The following TPP2 variants were observed in gnomAD, a reference collection of about 807,000 sequenced individuals.
TPP2 encodes tripeptidyl-peptidase 2.
Under a neutral mutation model 155.9 loss-of-function variants are expected in TPP2, and 34 were observed. That is an observed-to-expected ratio of 0.22 (90% confidence interval 0.17 to 0.29). TPP2 has a LOEUF of 0.29. TPP2 is among the 10% of genes least tolerant of loss of function. The pLI is 1.00. For synonymous variants in TPP2, 510 were observed against 529.4 expected (o/e 0.96, Z 0.50); for missense variants, 1,028 against 1,522.3 (o/e 0.68, Z 5.40).
intron 16 of TPP2, among the ~76,000 whole-genome samples, chr13:102,641,873 C>T (rs985484939): frequency 1.7e-4 from 26 of 152,156 alleles, no homozygotes; most frequent in African/African-American, 6.0e-4. Context: ...ACCATCTGTG[C>T]CAGGCCCTTT....
intron 6 of TPP2, among the ~76,000 whole-genome samples, chr13:102,625,978 A>C (rs539211465): frequency 7.9e-5 from 12 of 152,368 alleles, no homozygotes; most frequent in African/African-American, 2.6e-4. Flanking sequence ...TTTATATATA[A>C]CATGTACAAA....
At chr13:102,665,031 T>C (rs1002847629) in intron 27 of TPP2, 106 bp downstream of exon 27, 2 of 1,353,206 alleles carry the variant, frequency 1.5e-6, no homozygotes, top group Non-Finnish European at 2.0e-6. Context: ...ATGTTTGTTA[T>C]ATCCTTATAA....
Position 102,601,428 on chromosome 13 carries a change from A to G in TPP2, c.166-3365A>G, listed in dbSNP as rs537395706. Among the ~76,000 whole-genome samples, 4 of 152,200 alleles carry G rather than the reference A, an allele frequency of 2.6e-5. No homozygotes were observed. In the South Asian group the frequency reaches 6.2e-4, roughly 24 times the overall value. ...GGTCCTCTCTGCAAATGTTTGGCAAATCTTCCAACCTTCACTAACTCCTCT... is the reference window on the plus strand; with the variant it reads ...GGTCCTCTCTGCAAATGTTTGGCAAGTCTTCCAACCTTCACTAACTCCTCT... On this transcript the variant is annotated intron_variant, in intron 1 of 29. Coordinates refer to ENST00000376052, the MANE Select transcript of TPP2 (RefSeq NM_001330588.2).
At chr13:102,670,453 T>G (rs1303288463) in intron 27 of TPP2, among the ~76,000 whole-genome samples, 2 of 152,130 alleles carry the variant, frequency 1.3e-5, no homozygotes, top group African/African-American at 4.8e-5. Context: ...GAGTTTTAGT[T>G]CTGGTATGTG....
intron 27 of TPP2, among the ~76,000 whole-genome samples, chr13:102,668,597 C>T (rs1299752516): frequency 6.6e-6 from 1 of 152,166 alleles, no homozygotes; most frequent in African/African-American, 2.4e-5. Flanking sequence ...GGGTATGTTA[C>T]CCCCTTCCAG....
chr13:102,630,225 C>T (rs764596204), intron 10 of TPP2, 30 bp downstream of exon 10: 25 of 1,539,988 alleles, frequency 1.6e-5, no homozygotes, highest in Non-Finnish European at 2.0e-5. Flanking sequence ...GGAACCATTA[C>T]GTATATTCGG....
chr13:102,669,255 G>A (rs74955329), intron 27 of TPP2, among the ~76,000 whole-genome samples: 1 of 152,188 alleles, frequency 6.6e-6, no homozygotes, highest in Non-Finnish European at 1.5e-5. Context: ...TCACTTTTTT[G>A]TTGTTTTCTG....
chr13:102,657,385 A>G (rs545754603), intron 25 of TPP2, among the ~76,000 whole-genome samples, 178 bp downstream of exon 25: 1 of 151,766 alleles, frequency 6.6e-6, no homozygotes, highest in East Asian at 1.9e-4. Flanking sequence ...TAAATTATAA[A>G]TATATAATTT....
chr13:102,647,815 C>T (rs1048513280), intron 21 of TPP2, among the ~76,000 whole-genome samples: 1 of 152,212 alleles, frequency 6.6e-6, no homozygotes, highest in Non-Finnish European at 1.5e-5. Context: ...GCACTTACTA[C>T]ATACCAGGCA....
At chr13:102,638,953 A>C (rs891920250) in intron 15 of TPP2, among the ~76,000 whole-genome samples, 6 of 152,218 alleles carry the variant, frequency 3.9e-5, no homozygotes, top group Admixed American at 6.5e-5. Flanking sequence ...CATTTTGGCC[A>C]ACTCACTGAT....
chr13:102,640,038 C>T (rs892976461), intron 15 of TPP2, among the ~76,000 whole-genome samples: 1 of 152,138 alleles, frequency 6.6e-6, no homozygotes, highest in African/African-American at 2.4e-5. Context: ...ATGTATCTTA[C>T]AAATCATAAA....
At chr13:102,667,141 A>G (rs887737902) in intron 27 of TPP2, among the ~76,000 whole-genome samples, 45 of 152,262 alleles carry the variant, frequency 3.0e-4, no homozygotes, top group African/African-American at 1.1e-3. Context: ...TTAATTTCTC[A>G]TTTCCATGCA....
At chr13:102,668,549 T>C (rs1884756254) in intron 27 of TPP2, among the ~76,000 whole-genome samples, 1 of 152,196 alleles carries the variant, frequency 6.6e-6, no homozygotes, top group Non-Finnish European at 1.5e-5. Context: ...TCTTGGCACC[T>C]CAGTCCAATG....
chr13:102,640,366 A>C lies in TPP2; in HGVS notation c.2010A>C (p.Ala670=). The part of the protein sequence containing the change: ...RRHFIEVPEG[A]TWAEVTVCSC... ...ATTTTATTGAGGTTCCTGAGGGTGC[A>C]ACATGGGCTGGTAGGTAAAATTAAA... Residue 670 remains alanine, a synonymous_variant, in exon 16 of 30, where the codon GCA becomes GCC. Coordinates refer to ENST00000376052, the MANE Select transcript of TPP2 (RefSeq NM_001330588.2). 1 of 1,613,180 alleles carries C rather than the reference A, an allele frequency of 6.2e-7. No individual in the cohort carries two copies. Among genetic ancestry groups the C allele is most frequent in the Non-Finnish European group, 8.5e-7 (1 of 1,179,320 alleles).
chr13:102,651,608 C>T (rs528349881), intron 24 of TPP2, among the ~76,000 whole-genome samples: 80 of 150,202 alleles, frequency 5.3e-4, no homozygotes, highest in African/African-American at 1.9e-3. Context: ...CCATAAATTC[C>T]TGGATGACTC....
intron 6 of TPP2, among the ~76,000 whole-genome samples, chr13:102,625,763 T>G (rs1236268396): frequency 6.6e-6 from 1 of 152,258 alleles, no homozygotes; most frequent in African/African-American, 2.4e-5. Flanking sequence ...CTGCAGACCC[T>G]GTTTCAAAGC....
chr13:102,617,371 A>G (rs1236874563), intron 4 of TPP2, among the ~76,000 whole-genome samples: 6 of 152,194 alleles, frequency 3.9e-5, no homozygotes, highest in Non-Finnish European at 7.3e-5. Flanking sequence ...ATTGATACTG[A>G]TGAACTGATT....
chr13:102,610,563 CTG>C (rs1001087659), intron 2 of TPP2, among the ~76,000 whole-genome samples: 3 of 152,124 alleles, frequency 2.0e-5, no homozygotes, highest in Non-Finnish European at 4.4e-5. Flanking sequence ...TGTTTATAGT[CTG>C]TTTTTTCCAC....
At chr13:102,648,219 G>A (rs1414422558) in intron 21 of TPP2, among the ~76,000 whole-genome samples, 3 of 152,096 alleles carry the variant, frequency 2.0e-5, no homozygotes, top group African/African-American at 7.2e-5. Flanking sequence ...CATTTTGGTT[G>A]TAATTTGAAG....
Sources: allele counts gnomAD v4.1 joint callset (sites outside exome capture counted in the v4.1 genomes callset), GRCh38; gene constraint gnomAD v4.1.1; transcripts MANE v1.5; gene names NCBI Gene and HGNC (gene_info 2026-07-23, HGNC 2026-07-21).